B3GALT1: variants seen among roughly 807,000 people sequenced by gnomAD.
B3GALT1 encodes UDP-Gal:betaGlcNAc beta 1,3-galactosyltransferase, polypeptide 1.
In B3GALT1, 10 loss-of-function variants were observed where a neutral mutation model predicts 23.2. The observed-to-expected ratio is 0.43, with a 90% CI of 0.27 to 0.73. The LOEUF (loss-of-function observed/expected upper bound fraction) is 0.73. B3GALT1 is among the 30% of genes least tolerant of loss of function. The pLI, the probability that B3GALT1 is intolerant of heterozygous loss-of-function variation, is 0.21. For missense variants in B3GALT1, 299 were observed against 405.4 expected, an observed-to-expected ratio of 0.74 and a Z score of 2.25; for synonymous variants, 156 against 141.5, an observed-to-expected ratio of 1.10 and a Z score of -0.73.
At chr2:167,417,112 C>T (rs1339753760) in intron 1 of B3GALT1, among the ~76,000 whole-genome samples, 1 of 152,048 alleles carries the variant, frequency 6.6e-6, no homozygotes, top group South Asian at 2.1e-4. Flanking sequence ...GGGTGGGATG[C>T]TATGGTTTGA....
intron 1 of B3GALT1, among the ~76,000 whole-genome samples, chr2:167,364,441 A>G (rs1348001199): frequency 6.6e-6 from 1 of 151,822 alleles, no homozygotes; most frequent in African/African-American, 2.4e-5. Flanking sequence ...GGTGTGCTGC[A>G]ACCATTAACT....
intron 1 of B3GALT1, among the ~76,000 whole-genome samples, chr2:167,379,264 A>G (rs1167356282): frequency 6.6e-6 from 1 of 152,064 alleles, no homozygotes; most frequent in Non-Finnish European, 1.5e-5. Flanking sequence ...CATGGGGGAA[A>G]CGGCCCCCAT....
intron 2 of B3GALT1, among the ~76,000 whole-genome samples, chr2:167,565,943 C>T (rs529412996): frequency 3.6e-4 from 54 of 152,094 alleles, no homozygotes; most frequent in Non-Finnish European, 6.2e-4. Flanking sequence ...GTCAGTGTGG[C>T]GATTCCTCAG....
intron 2 of B3GALT1, among the ~76,000 whole-genome samples, chr2:167,583,840 A>G (rs1254065465): frequency 6.6e-5 from 10 of 152,140 alleles, no homozygotes; most frequent in South Asian, 6.2e-4. Flanking sequence ...TAAATTTTGG[A>G]AAAAAACCCA....
rs569735093 is a variant in B3GALT1 at position 167,444,308 on chromosome 2, G to A, written c.-510-45869G>A. Among the ~76,000 whole-genome samples, 4 of 152,268 alleles carry A rather than the reference G, an allele frequency of 2.6e-5. No individual in the cohort carries two copies. In the East Asian group the frequency reaches 7.7e-4, roughly 29 times the overall value. On this transcript the variant is annotated intron_variant, in intron 1 of 4. Transcript: ENST00000392690. ...GGATTTTTGCATTGATGGTCATCAG[G>A]GATATTGGCCTAAAATTCTCTTTTT... is the stretch of plus-strand genomic sequence containing the variant.
At chr2:167,430,285 G>A (rs1055681682) in intron 1 of B3GALT1, among the ~76,000 whole-genome samples, 15 of 152,210 alleles carry the variant, frequency 9.9e-5, no homozygotes, top group African/African-American at 3.6e-4. Context: ...AAGGGAATTA[G>A]GAGGAGAGTG....
At chr2:167,569,430 C>T (rs1380402295) in intron 2 of B3GALT1, among the ~76,000 whole-genome samples, 1 of 151,668 alleles carries the variant, frequency 6.6e-6, no homozygotes, top group Non-Finnish European at 1.5e-5. Context: ...AATATTTGTA[C>T]CCAAGTATTT....
At chr2:167,685,933 A>T (rs911139490) in intron 3 of B3GALT1, among the ~76,000 whole-genome samples, 2 of 152,180 alleles carry the variant, frequency 1.3e-5, no homozygotes, top group Admixed American at 1.3e-4. Flanking sequence ...TGCTTTACTT[A>T]AATAAAAAAG....
chr2:167,379,597 G>A (rs1050450692), intron 1 of B3GALT1, among the ~76,000 whole-genome samples: 1 of 152,104 alleles, frequency 6.6e-6, no homozygotes, highest in Non-Finnish European at 1.5e-5. Context: ...GTAAGAGTTG[G>A]CTACAGGCAA....
At chr2:167,601,523 T>C (rs113158208) in intron 2 of B3GALT1, among the ~76,000 whole-genome samples, 178 of 152,350 alleles carry the variant, frequency 1.2e-3, no homozygotes, top group African/African-American at 4.2e-3. Flanking sequence ...GTTTTTACAC[T>C]TCTGATGAAC....
chr2:167,844,604 G>C (rs564788836), intron 4 of B3GALT1, among the ~76,000 whole-genome samples: 11 of 152,334 alleles, frequency 7.2e-5, no homozygotes, highest in African/African-American at 2.6e-4. Context: ...GAGCTCGCTG[G>C]GTCCCCAAAC....
At chr2:167,669,525 AATC>A (rs1382662372) in intron 3 of B3GALT1, among the ~76,000 whole-genome samples, 1 of 152,200 alleles carries the variant, frequency 6.6e-6, no homozygotes, top group East Asian at 1.9e-4. Context: ...AATGGTTTTA[AATC>A]ATCATGATTT....
intron 3 of B3GALT1, among the ~76,000 whole-genome samples, chr2:167,745,452 A>G (rs898522773): frequency 6.6e-6 from 1 of 152,208 alleles, no homozygotes. Context: ...TATGAAGTAT[A>G]TAACTTCAGT....
chr2:167,343,059 T>C (rs1697173663), intron 1 of B3GALT1, among the ~76,000 whole-genome samples: 1 of 152,206 alleles, frequency 6.6e-6, no homozygotes. Context: ...GTGAACATTA[T>C]AAAATTTGAA....
chr2:167,571,169 A>T (rs564130929), intron 2 of B3GALT1, among the ~76,000 whole-genome samples: 1 of 151,992 alleles, frequency 6.6e-6, no homozygotes, highest in Admixed American at 6.6e-5. Flanking sequence ...AACACCACAG[A>T]TGGGAATTTC....
At chr2:167,714,760 G>A (rs1286019769) in intron 3 of B3GALT1, 1 of 1,613,752 alleles carries the variant, frequency 6.2e-7, no homozygotes, top group Admixed American at 1.7e-5. Context: ...CAAGATCTTT[G>A]GCTAGCTTTC....
At chr2:167,848,500 T>C (rs1225014808) in intron 4 of B3GALT1, among the ~76,000 whole-genome samples, 1 of 152,220 alleles carries the variant, frequency 6.6e-6, no homozygotes, top group Non-Finnish European at 1.5e-5. Context: ...ATTCACATGA[T>C]GATCTCAATA....
At chr2:167,316,476 C>T (rs991258620) in intron 1 of B3GALT1, among the ~76,000 whole-genome samples, 1 of 152,086 alleles carries the variant, frequency 6.6e-6, no homozygotes, top group South Asian at 2.1e-4. Context: ...TAAAAATTTT[C>T]CACACATAAC....
chr2:167,407,096 G>A (rs1698292376), intron 1 of B3GALT1, among the ~76,000 whole-genome samples: 1 of 152,060 alleles, frequency 6.6e-6, no homozygotes, highest in South Asian at 2.1e-4. Context: ...TTAGACTACA[G>A]AACAAATCTG....
Sources: allele counts gnomAD v4.1 joint callset (sites outside exome capture counted in the v4.1 genomes callset), GRCh38; gene constraint gnomAD v4.1.1; transcripts MANE v1.5; gene names NCBI Gene and HGNC (gene_info 2026-07-23, HGNC 2026-07-21).